Variants in CNTNAP2 observed in about 807,000 individuals in gnomAD.
CNTNAP2 encodes the protein contactin-associated protein-like 2.
CNTNAP2 carries 98 observed loss-of-function variants against 155.2 expected under a neutral mutation model. The ratio of observed to expected loss-of-function variants is 0.63; its 90% CI spans 0.54 to 0.75. The LOEUF is 0.75. Ranked by LOEUF, CNTNAP2 falls within the 30% of genes least tolerant of loss-of-function variation. The pLI is 0.00. For synonymous variants in CNTNAP2, 651 were observed against 631.2 expected (o/e 1.03, Z -0.47); for missense variants, 1,727 against 1,688.1 (o/e 1.02, Z -0.40).
At chr7:147,545,633 G>A (rs927014370) in intron 11 of CNTNAP2, among the ~76,000 whole-genome samples, 1 of 152,178 alleles carries the variant, frequency 6.6e-6, no homozygotes, top group Non-Finnish European at 1.5e-5. Flanking sequence ...GGCAGTCTGT[G>A]ATGTCCATGT....
chr7:146,468,627 GT>G (rs962786838), intron 1 of CNTNAP2, among the ~76,000 whole-genome samples: 5 of 151,884 alleles, frequency 3.3e-5, no homozygotes, highest in African/African-American at 7.3e-5. Context: ...TCAACACATA[GT>G]TTTTTTTGTT....
At chr7:146,913,442 C>T (rs1268590486) in intron 3 of CNTNAP2, among the ~76,000 whole-genome samples, 1 of 152,108 alleles carries the variant, frequency 6.6e-6, no homozygotes, top group Non-Finnish European at 1.5e-5. Context: ...GCTGCTATAA[C>T]AAATGATATT....
rs543474891 is a variant in CNTNAP2 at position 147,833,692 on chromosome 7, T to G, written c.2099-69873T>G. ...AACCCTTTAGGTTCCAAACTCTGCATGTCAGCAGGCCACTGCCCCAATACA... is the reference window on the plus strand; with the variant it reads ...AACCCTTTAGGTTCCAAACTCTGCAGGTCAGCAGGCCACTGCCCCAATACA... On this transcript the variant is annotated intron_variant, in intron 13 of 23. Transcript: ENST00000361727. 3.3e-5 allele frequency among the ~76,000 whole-genome samples: 5 copies of G among 152,322 alleles called. No homozygotes were observed. In the East Asian group the frequency reaches 9.7e-4, roughly 29 times the overall value.
intron 13 of CNTNAP2, among the ~76,000 whole-genome samples, chr7:147,769,769 G>A (rs1471662956): frequency 6.6e-6 from 1 of 152,102 alleles, no homozygotes; most frequent in Non-Finnish European, 1.5e-5. Flanking sequence ...GAAATGCTTA[G>A]CTATAAAACA....
intron 8 of CNTNAP2, among the ~76,000 whole-genome samples, chr7:147,221,914 T>C (rs1021453858): frequency 6.6e-6 from 1 of 152,170 alleles, no homozygotes; most frequent in Admixed American, 6.5e-5. Flanking sequence ...ACTCTACTCT[T>C]TTCTTGCTTG....
chr7:147,871,071 C>A (rs1000303980), intron 13 of CNTNAP2, among the ~76,000 whole-genome samples: 9 of 152,160 alleles, frequency 5.9e-5, no homozygotes, highest in African/African-American at 1.9e-4. Flanking sequence ...TGAACTCAGA[C>A]CAACCATCAC....
At chr7:147,059,421 A>G (rs1206379187) in intron 4 of CNTNAP2, among the ~76,000 whole-genome samples, 1 of 134,658 alleles carries the variant, frequency 7.4e-6, no homozygotes, top group Non-Finnish European at 1.5e-5. Flanking sequence ...AGGGGGTTAT[A>G]TGATAATTCT....
At chr7:147,829,698 T>G (rs1798518099) in intron 13 of CNTNAP2, among the ~76,000 whole-genome samples, 1 of 152,158 alleles carries the variant, frequency 6.6e-6, no homozygotes. Flanking sequence ...TACTTTCCAG[T>G]GTTAAATGAT....
At chr7:147,182,767 T>C (rs1802489672) in intron 8 of CNTNAP2, among the ~76,000 whole-genome samples, 1 of 152,140 alleles carries the variant, frequency 6.6e-6, no homozygotes, top group Non-Finnish European at 1.5e-5. Context: ...TAATAAGCCA[T>C]TTTACTGGAG....
In CNTNAP2 at chr7:147,279,715, G is replaced by A. The variant is rs189262940; in HGVS notation, c.1349-20426G>A. On this transcript the variant is annotated intron_variant, in intron 8 of 23. Coordinates refer to ENST00000361727, the MANE Select transcript of CNTNAP2 (RefSeq NM_014141.6). Reference sequence around the variant, plus strand: ...TACACCAGGCATTGTTAGAATTCTCGTCAGCTCTCAATGGCTCCCTTTTGT... The same window carrying A: ...TACACCAGGCATTGTTAGAATTCTCATCAGCTCTCAATGGCTCCCTTTTGT... Among the ~76,000 whole-genome samples, 27 of 151,908 alleles carry A rather than the reference G, an allele frequency of 1.8e-4. No homozygotes were observed. The East Asian group carries it at 3.7e-3, about 21-fold the overall frequency.
intron 8 of CNTNAP2, among the ~76,000 whole-genome samples, chr7:147,176,392 C>T (rs955971433): frequency 6.6e-6 from 1 of 151,912 alleles, no homozygotes; most frequent in African/African-American, 2.4e-5. Flanking sequence ...ATTTAATCAA[C>T]CTTTAAACAG....
chr7:146,647,653 C>G (rs949325476), intron 1 of CNTNAP2, among the ~76,000 whole-genome samples: 2 of 151,980 alleles, frequency 1.3e-5, no homozygotes, highest in Non-Finnish European at 2.9e-5. Flanking sequence ...ATGGTGGCTG[C>G]GAAAAGAAAA....
intron 1 of CNTNAP2, among the ~76,000 whole-genome samples, chr7:146,739,061 G>A (rs1221958026): frequency 6.6e-6 from 1 of 151,210 alleles, no homozygotes; most frequent in Non-Finnish European, 1.5e-5. Flanking sequence ...TGTTGATTTT[G>A]TTTATCTTTC....
At chr7:146,500,262 G>A (rs915503075) in intron 1 of CNTNAP2, among the ~76,000 whole-genome samples, 1 of 151,332 alleles carries the variant, frequency 6.6e-6, no homozygotes, top group Non-Finnish European at 1.5e-5. Flanking sequence ...GCATCTTGCA[G>A]CACAGAAAGC....
At position 146,934,590 on chromosome 7, in the gene CNTNAP2, A is replaced by G. The variant is rs1215154705; in HGVS notation, c.402+94686A>G. 2.0e-5 allele frequency among the ~76,000 whole-genome samples: 3 copies of G among 152,256 alleles called. No homozygotes were observed. In the East Asian group the frequency reaches 5.8e-4, roughly 29 times the overall value. On this transcript the variant is annotated intron_variant, in intron 3 of 23. Coordinates refer to ENST00000361727, the MANE Select transcript of CNTNAP2 (RefSeq NM_014141.6). ...TTGTGCACATGTACCATAAAACTTT[A>G]ATAATAATAAAATTAAAAAAAATTG... is the stretch of plus-strand genomic sequence containing the variant.
intron 10 of CNTNAP2, among the ~76,000 whole-genome samples, chr7:147,426,152 T>G (rs1797374053): frequency 6.6e-6 from 1 of 151,844 alleles, no homozygotes; most frequent in Non-Finnish European, 1.5e-5. Context: ...ACAGGGAGGG[T>G]GTACTTTACC....
At chr7:146,730,484 C>T (rs1801506690) in intron 1 of CNTNAP2, among the ~76,000 whole-genome samples, 1 of 152,152 alleles carries the variant, frequency 6.6e-6, no homozygotes, top group African/African-American at 2.4e-5. Context: ...ATCTCAGTAA[C>T]TTGATAGGCT....
At chr7:147,703,485 A>G (rs192783687) in intron 13 of CNTNAP2, among the ~76,000 whole-genome samples, 84 of 152,336 alleles carry the variant, frequency 5.5e-4, no homozygotes, top group Non-Finnish European at 1.5e-4. Flanking sequence ...TCAATAAAAT[A>G]AATTATTAGG....
intron 1 of CNTNAP2, among the ~76,000 whole-genome samples, chr7:146,421,895 A>ATTT (rs10626055): frequency 1.3e-5 from 2 of 151,102 alleles, no homozygotes; most frequent in African/African-American, 4.8e-5. Flanking sequence ...ATATAGACAG[A>ATTT]TTTTTTTTAC....
Sources: allele counts gnomAD v4.1 joint callset (sites outside exome capture counted in the v4.1 genomes callset), GRCh38; gene constraint gnomAD v4.1.1; transcripts MANE v1.5; gene names NCBI Gene and HGNC (gene_info 2026-07-23, HGNC 2026-07-21).